The following SLC12A8 variants were observed in gnomAD, a reference collection of about 807,000 sequenced individuals.
SLC12A8 encodes the protein solute carrier family 12 member 8, also known as cation-chloride cotransporter 9.
A neutral mutation model predicts 75.6 loss-of-function variants in SLC12A8; 69 were observed. That is an observed-to-expected ratio of 0.91 (90% CI 0.75 to 1.11). The LOEUF (loss-of-function observed/expected upper bound fraction) is 1.11, where lower values mean the gene tolerates loss of function less well. SLC12A8 is among the 50% of genes most tolerant of loss of function. SLC12A8 has a pLI of 0.00. For missense variants in SLC12A8, 877 were observed against 896.7 expected (o/e 0.98, Z 0.28); for synonymous variants, 365 against 372.8 (o/e 0.98, Z 0.24).
chr3:125,093,108 A>C (rs1938626812), intron 10 of SLC12A8, among the ~76,000 whole-genome samples: 2 of 152,226 alleles, frequency 1.3e-5, no homozygotes, highest in Admixed American at 1.3e-4. Flanking sequence ...ATTTCTGCAG[A>C]AATGCTCAAT....
At chr3:125,159,151 T>C (rs978369730) in intron 5 of SLC12A8, among the ~76,000 whole-genome samples, 1 of 152,216 alleles carries the variant, frequency 6.6e-6, no homozygotes, top group Non-Finnish European at 1.5e-5. Context: ...ATTTTTTAAG[T>C]ATGGTTAGTT....
chr3:125,100,683 C>T, intron 10 of SLC12A8, among the ~76,000 whole-genome samples: 1 of 149,764 alleles, frequency 6.7e-6, no homozygotes, highest in Non-Finnish European at 1.5e-5. Context: ...GCTGGGATTA[C>T]AGGCACGAGC....
intron 5 of SLC12A8, among the ~76,000 whole-genome samples, chr3:125,150,386 C>T (rs1933889785): frequency 6.6e-6 from 1 of 152,150 alleles, no homozygotes; most frequent in South Asian, 2.1e-4. Flanking sequence ...AGTAAGGGGC[C>T]TGTCAAAGAC....
intron 4 of SLC12A8, among the ~76,000 whole-genome samples, chr3:125,184,491 T>A (rs1160907365): frequency 6.6e-6 from 1 of 152,118 alleles, no homozygotes; most frequent in Non-Finnish European, 1.5e-5. Flanking sequence ...GACAGAGCCA[T>A]ATGACCCTCA....
intron 5 of SLC12A8, among the ~76,000 whole-genome samples, chr3:125,172,770 T>G (rs999986988): frequency 6.6e-6 from 1 of 152,250 alleles, no homozygotes. Flanking sequence ...TTTTTACATT[T>G]TTACATTATA....
intron 3 of SLC12A8, among the ~76,000 whole-genome samples, chr3:125,189,576 C>T (rs1039552258): frequency 5.3e-5 from 8 of 152,296 alleles, no homozygotes; most frequent in Admixed American, 1.3e-4. Flanking sequence ...TAGGGCGGGG[C>T]GGGGAAGAGA....
At position 125,203,071 on chromosome 3, in the gene SLC12A8, A is replaced by G. The variant is rs545397589; in HGVS notation, c.51+8228T>C. ...TCATTGCACTCTAGCCTGGGGGACA[A>G]GAGCGAGACTTCATCTCAAAAAAAA... On this transcript the variant is annotated intron_variant, in intron 2 of 13. Transcript: ENST00000469902. 2.1e-5 allele frequency among the ~76,000 whole-genome samples: 3 copies of G among 141,104 alleles called. 1 individual carries two copies. In the South Asian group the frequency reaches 7.4e-4, roughly 35 times the overall value. 92.6% of individuals were successfully genotyped at this position (141,104 alleles called of 152,430 possible).
At chr3:125,111,703 C>G (rs964462536) in intron 8 of SLC12A8, among the ~76,000 whole-genome samples, 11 of 152,200 alleles carry the variant, frequency 7.2e-5, no homozygotes, top group Non-Finnish European at 1.5e-4. Flanking sequence ...ACATTGAACA[C>G]AAGCCACTGG....
Position 125,128,188 on chromosome 3 carries a change from T to A in SLC12A8, c.736+7481A>T, listed in dbSNP as rs1487978924. On this transcript the variant is annotated intron_variant, in intron 6 of 13. Transcript: ENST00000469902. ...CCCGGCCTAAGCTTATTTTTATTTT[T>A]TTTTTTTTTTGAGACGGAGTCTCGC... is the stretch of plus-strand genomic sequence containing the variant. Among the ~76,000 whole-genome samples the A allele has an allele frequency of 4.0e-3, 467 of 116,004 alleles. 2 individuals are homozygous for A. Among genetic ancestry groups the A allele is most frequent in the African/African-American group, 0.023 (444 of 19,226 alleles). 76.1% of individuals were successfully genotyped at this position (116,004 alleles called of 152,430 possible). A position where few individuals can be genotyped will look rare whatever the true frequency, so the allele number is the denominator to read the frequency against.
intron 5 of SLC12A8, among the ~76,000 whole-genome samples, chr3:125,173,635 G>A (rs935546941): frequency 1.6e-4 from 25 of 152,166 alleles, no homozygotes; most frequent in African/African-American, 4.8e-4. Flanking sequence ...CATGATCCAC[G>A]GAAAAACACT....
At chr3:125,129,366 GAGAAGGAATGCACTTTA>G (rs767174774) in intron 6 of SLC12A8, among the ~76,000 whole-genome samples, 70 of 152,130 alleles carry the variant, frequency 4.6e-4, no homozygotes, top group African/African-American at 1.3e-3. Context: ...AATGCACTTT[GAGAAGGAATGCACTTTA>G]AGAAGCAAAG....
At chr3:125,084,931 A>T (rs1441736939) in intron 13 of SLC12A8, among the ~76,000 whole-genome samples, 1 of 152,238 alleles carries the variant, frequency 6.6e-6, no homozygotes, top group Non-Finnish European at 1.5e-5. Flanking sequence ...TTTATGAGTA[A>T]TAAGTTTCAA....
chr3:125,146,692 G>A lies in SLC12A8; in HGVS notation c.623-10910C>T, dbSNP rs552149583. Among the ~76,000 whole-genome samples the A allele has an allele frequency of 4.9e-4, 75 of 152,356 alleles. No homozygotes were observed. In the East Asian group the frequency reaches 0.013, roughly 27 times the overall value. ...TACTAGTTGTGGCCTCCCTCGGAGT[G>A]CAGCGGCATGATCACGGCTCACTGC... is the stretch of plus-strand genomic sequence containing the variant. On this transcript the variant is annotated intron_variant, in intron 5 of 13. Coordinates refer to ENST00000469902, the MANE Select transcript of SLC12A8 (RefSeq NM_024628.6).
Position 125,107,840 on chromosome 3 carries a change from C to A in SLC12A8, c.1346G>T (p.Arg449Ile). 6.2e-7 allele frequency: 1 copy of A among 1,614,158 alleles called. No individual in the cohort carries two copies. Among genetic ancestry groups the A allele is most frequent in the African/African-American group, 1.3e-5 (1 of 75,034 alleles). ...TTCCAGTAGCGTGCCCTCCAAGACT[C>A]TTTGGGCAGGTCCCTCAGAGCCGTA... is the stretch of plus-strand genomic sequence containing the variant. ...PSYGSEGPAQ[R>I]VLEGTLLEFT... Residue 449 changes from arginine (R) to isoleucine (I), a missense_variant, in exon 10 of 14, where the codon AGA (arginine) becomes ATA (isoleucine). Coordinates refer to ENST00000469902, the MANE Select transcript of SLC12A8 (RefSeq NM_024628.6).
At chr3:125,137,399 T>C (rs1169758661) in intron 5 of SLC12A8, among the ~76,000 whole-genome samples, 1 of 152,218 alleles carries the variant, frequency 6.6e-6, no homozygotes, top group Non-Finnish European at 1.5e-5. Flanking sequence ...TTGGCGTTTT[T>C]GTAGCTGGCC....
intron 6 of SLC12A8, among the ~76,000 whole-genome samples, chr3:125,125,285 G>A (rs868087878): frequency 6.6e-5 from 10 of 151,930 alleles, no homozygotes; most frequent in Non-Finnish European, 1.3e-4. Flanking sequence ...GGACTGGATG[G>A]AGTGGCTCAT....
intron 4 of SLC12A8, among the ~76,000 whole-genome samples, chr3:125,179,414 G>A (rs2107789364): frequency 6.6e-6 from 1 of 152,244 alleles, no homozygotes; most frequent in East Asian, 1.9e-4. Flanking sequence ...TTTGTGATAT[G>A]CTGATCATAT....
intron 5 of SLC12A8, among the ~76,000 whole-genome samples, chr3:125,166,358 C>T (rs1396050380): frequency 6.6e-6 from 1 of 152,224 alleles, no homozygotes; most frequent in African/African-American, 2.4e-5. Context: ...CCCTGCCTGG[C>T]TCTCTTGAGT....
chr3:125,210,840 C>G (rs1579551582), intron 2 of SLC12A8, among the ~76,000 whole-genome samples: 2 of 151,764 alleles, frequency 1.3e-5, no homozygotes, highest in East Asian at 3.9e-4. Flanking sequence ...ATGCATGTAA[C>G]TAATGATCAG....
Sources: allele counts gnomAD v4.1 joint callset (sites outside exome capture counted in the v4.1 genomes callset), GRCh38; gene constraint gnomAD v4.1.1; transcripts MANE v1.5; gene names NCBI Gene and HGNC (gene_info 2026-07-23, HGNC 2026-07-21).